The following SEMA6A variants were observed in gnomAD, a reference collection of about 807,000 sequenced individuals.
The protein encoded by SEMA6A is semaphorin 6A, also known as semaphorin-6A.
A neutral mutation model predicts 96.8 loss-of-function variants in SEMA6A; 25 were observed. That is an observed-to-expected ratio of 0.26 (90% CI 0.19 to 0.36). The LOEUF is 0.36. SEMA6A is among the 10% of genes least tolerant of loss of function. The probability of loss-of-function intolerance (pLI) is 1.00; values close to 1 mark genes in which losing one functional copy is unlikely to be tolerated. For missense variants in SEMA6A, 1,363 were observed against 1,323.1 expected (o/e 1.03, Z -0.47); for synonymous variants, 612 against 518.0 (o/e 1.18, Z -2.46).
chr5:116,508,458 G>A (rs1213227010), intron 1 of SEMA6A, among the ~76,000 whole-genome samples: 3 of 152,072 alleles, frequency 2.0e-5, no homozygotes, highest in Non-Finnish European at 4.4e-5. Context: ...CGAGGACTGG[G>A]AAGCCATGAC....
At chr5:116,549,981 A>G (rs910961313) in intron 1 of SEMA6A, 5 of 152,148 alleles carry the variant, frequency 3.3e-5, no homozygotes, top group African/African-American at 1.2e-4. Context: ...TGGTCGTCTA[A>G]ATGATCATGT....
At chr5:116,539,333 G>A (rs1759861518) in intron 1 of SEMA6A, among the ~76,000 whole-genome samples, 1 of 152,084 alleles carries the variant, frequency 6.6e-6, no homozygotes, top group East Asian at 1.9e-4. Flanking sequence ...TAATTCTAAG[G>A]TTGCTAAAGA....
intron 1 of SEMA6A, among the ~76,000 whole-genome samples, chr5:116,527,748 A>C (rs1021640770): frequency 6.6e-6 from 1 of 152,214 alleles, no homozygotes; most frequent in Non-Finnish European, 1.5e-5. Context: ...CAGAGTTAAC[A>C]GTATAACGTG....
rs192810713 is a variant in SEMA6A, at chr5:116,452,569, A to G, written c.1895-4758T>C. 8.5e-5 allele frequency among the ~76,000 whole-genome samples: 13 copies of G among 152,320 alleles called. No individual in the cohort carries two copies. In the East Asian group the frequency reaches 2.5e-3, roughly 29 times the overall value. On this transcript the variant is annotated intron_variant, in intron 18 of 18. Coordinates refer to ENST00000343348, the MANE Select transcript of SEMA6A (RefSeq NM_020796.5). Reference sequence around the variant, plus strand: ...CCTGCAACATGTGATTCAAAATAAGAACAATTGTAAACTGAAAACTAAGAG... The same window carrying G: ...CCTGCAACATGTGATTCAAAATAAGGACAATTGTAAACTGAAAACTAAGAG...
intron 1 of SEMA6A, among the ~76,000 whole-genome samples, chr5:116,532,489 A>ACC (rs1427890610): frequency 3.3e-5 from 5 of 152,256 alleles, no homozygotes; most frequent in African/African-American, 1.2e-4. Flanking sequence ...GAAATCTTGA[A>ACC]TTTATGGGGA....
Position 116,446,781 on chromosome 5 carries a change from C to CT in SEMA6A, c.2924dup (p.Pro976AlafsTer52). 1 of 1,611,918 alleles carries CT rather than the reference C, an allele frequency of 6.2e-7. No individual in the cohort carries two copies. Among genetic ancestry groups the CT allele is most frequent in the Middle Eastern group, 1.7e-4 (1 of 6,060 alleles). On this transcript the variant is annotated frameshift_variant, in exon 19 of 19. Coordinates refer to ENST00000343348, the MANE Select transcript of SEMA6A (RefSeq NM_020796.5). LOFTEE classifies it high-confidence loss of function. Reference sequence around the variant, plus strand: ...AGACAGTCACGGCCTGGCCAGATGGCTGGGAGCTGTGCACCTGGATGGAGT... The same window carrying CT: ...AGACAGTCACGGCCTGGCCAGATGGCTTGGGAGCTGTGCACCTGGATGGAGT...
chr5:116,526,286 C>T (rs887711682), intron 1 of SEMA6A, among the ~76,000 whole-genome samples: 5 of 152,170 alleles, frequency 3.3e-5, no homozygotes, highest in African/African-American at 1.2e-4. Flanking sequence ...TCTTAAGACA[C>T]TCTTCAAACA....
chr5:116,473,045 G>A (rs1756245077), intron 17 of SEMA6A, 28 bp downstream of exon 17: 1 of 1,583,318 alleles, frequency 6.3e-7, no homozygotes, highest in Non-Finnish European at 8.6e-7. Flanking sequence ...CCACCAGTAT[G>A]GAATTATGAG....
chr5:116,523,370 G>A (rs2112821238), intron 1 of SEMA6A, among the ~76,000 whole-genome samples: 1 of 152,254 alleles, frequency 6.6e-6, no homozygotes, highest in South Asian at 2.1e-4. Context: ...CTGAAGTGCA[G>A]TGATGCAATC....
rs748442933 is a variant in SEMA6A, at chr5:116,539,618, T to TGTGTGTGTGG, written c.-39+34566_-39+34567insCCACACACAC. Among the ~76,000 whole-genome samples, 1,063 of 151,714 alleles carry TGTGTGTGTGG rather than the reference T, an allele frequency of 7.0e-3. 11 individuals are homozygous for TGTGTGTGTGG. The highest frequency in any genetic ancestry group is 0.024 in the African/African-American group (990 of 41,330). Reference sequence around the variant, plus strand: ...GTGTGTGTGTGTGTGTGTGTGTGTGTACTTTCTTTAATTTTACTCCTGTAA... The same window carrying TGTGTGTGTGG: ...GTGTGTGTGTGTGTGTGTGTGTGTGTGTGTGTGTGGACTTTCTTTAATTTTACTCCTGTAA... On this transcript the variant is annotated intron_variant, in intron 1 of 18. Coordinates refer to ENST00000343348, the MANE Select transcript of SEMA6A (RefSeq NM_020796.5).
At chr5:116,491,624 T>C (rs1757329437) in intron 7 of SEMA6A, 116 bp downstream of exon 7, 1 of 757,608 alleles carries the variant, frequency 1.3e-6, no homozygotes. Context: ...TTAATTACAG[T>C]ATTCACCAGA....
chr5:116,526,246 C>T (rs1019190156), intron 1 of SEMA6A, among the ~76,000 whole-genome samples: 3 of 152,098 alleles, frequency 2.0e-5, no homozygotes, highest in African/African-American at 7.2e-5. Context: ...CTATCCTTTC[C>T]CTTTTCTGCC....
At chr5:116,496,121 G>T in intron 5 of SEMA6A, 130 bp downstream of exon 5, 1 of 757,940 alleles carries the variant, frequency 1.3e-6, no homozygotes, top group Non-Finnish European at 2.2e-6. Flanking sequence ...TCAGTAAGTT[G>T]ATGAAAAAAG....
chr5:116,522,554 C>T (rs142352417), intron 1 of SEMA6A, among the ~76,000 whole-genome samples: 2 of 152,070 alleles, frequency 1.3e-5, no homozygotes, highest in South Asian at 2.1e-4. Flanking sequence ...AACCCGCCTG[C>T]GTGCCATATG....
chr5:116,546,804 C>T (rs971278736), intron 1 of SEMA6A, among the ~76,000 whole-genome samples: 6 of 152,182 alleles, frequency 3.9e-5, no homozygotes, highest in Non-Finnish European at 8.8e-5. Context: ...AAACTCAGAG[C>T]CTGCAAACTA....
rs1163928745 is a variant in SEMA6A, at chr5:116,574,642, G to C, written c.-496C>G. ...GTGCAAGGCTCTGGCCCGGCTCTGC[G>C]GCCGGCAGCGCGGTGCCGCGGGTGT... On this transcript the variant is annotated 5_prime_UTR_variant, in exon 1 of 19. Coordinates refer to ENST00000343348, the MANE Select transcript of SEMA6A (RefSeq NM_020796.5). The C allele has an allele frequency of 6.6e-6, 1 of 152,326 alleles. No individual in the cohort carries two copies. Among genetic ancestry groups the C allele is most frequent in the Non-Finnish European group, 1.5e-5 (1 of 68,196 alleles). The allele number at this position is 152,326 out of a possible 1,614,324, so 9.4% of individuals were successfully genotyped here.
chr5:116,501,393 G>A (rs921389502), intron 3 of SEMA6A, among the ~76,000 whole-genome samples: 2 of 152,092 alleles, frequency 1.3e-5, no homozygotes, highest in East Asian at 1.9e-4. Flanking sequence ...CAATGGATGA[G>A]TATTTTTTTT....
intron 1 of SEMA6A, among the ~76,000 whole-genome samples, chr5:116,558,455 T>A (rs369006905): frequency 2.4e-3 from 23 of 9,614 alleles, no homozygotes; most frequent in South Asian, 6.3e-3. Context: ...ATTCTTTTTT[T>A]TTTTTTTTTT....
chr5:116,478,802 T>C lies in SEMA6A; in HGVS notation c.1251-84A>G, dbSNP rs534404779. The C allele has an allele frequency of 1.0e-4, 131 of 1,305,286 alleles. No homozygotes were observed. The African/African-American group carries it at 1.4e-3, about 14-fold the overall frequency. 80.9% of individuals were successfully genotyped at this position (1,305,286 alleles called of 1,614,324 possible). ...TGTTCCACTTCAAACAGCTGCGACATAGCCTTCTAGTAATAACCTCAAGAA... is the reference window on the plus strand; with the variant it reads ...TGTTCCACTTCAAACAGCTGCGACACAGCCTTCTAGTAATAACCTCAAGAA... On this transcript the variant is annotated intron_variant, in intron 12 of 18. Coordinates refer to ENST00000343348, the MANE Select transcript of SEMA6A (RefSeq NM_020796.5).
Sources: gnomAD v4.1 joint callset for allele counts (sites outside exome capture counted in the v4.1 genomes callset) on GRCh38, gnomAD v4.1.1 for gene constraint, MANE v1.5 for transcripts, NCBI Gene and HGNC (gene_info 2026-07-23, HGNC 2026-07-21) for gene names.